STXBP5L: variants seen among roughly 807,000 people sequenced by gnomAD.
The protein encoded by STXBP5L is syntaxin binding protein 5L, also known as syntaxin-binding protein 5-like.
In STXBP5L, 65 loss-of-function variants were observed where a neutral mutation model predicts 144.5. The ratio of observed to expected loss-of-function variants is 0.45; its 90% CI spans 0.37 to 0.55. STXBP5L has a LOEUF of 0.55. Among genes scored for constraint, STXBP5L ranks in the 20% least tolerant of loss-of-function variants. STXBP5L has a pLI of 0.00. For synonymous variants in STXBP5L, 505 were observed against 469.6 expected, an observed-to-expected ratio of 1.08 and a Z score of -0.97; for missense variants, 1,298 against 1,405.5, an observed-to-expected ratio of 0.92 and a Z score of 1.22.
chr3:120,974,203 G>A (rs1940648570), intron 3 of STXBP5L, among the ~76,000 whole-genome samples: 1 of 152,088 alleles, frequency 6.6e-6, no homozygotes, highest in Admixed American at 6.6e-5. Flanking sequence ...TCTAGCACCT[G>A]TTGTTTCCTG....
rs574160659 is a variant in STXBP5L, at chr3:121,181,360, C to T, written c.877+23733C>T. ...AGGAGAGGAGAGGAGAGGAGTAGTA[C>T]CTCACATCTCAATACTAACATTGAA... On this transcript the variant is annotated intron_variant, in intron 9 of 26. Coordinates refer to ENST00000471454, the MANE Select transcript of STXBP5L (RefSeq NM_001308330.2). 9.2e-5 allele frequency among the ~76,000 whole-genome samples: 14 copies of T among 152,078 alleles called. No homozygotes were observed. In the East Asian group the frequency reaches 2.5e-3, roughly 27 times the overall value.
At chr3:120,987,978 A>G (rs1942464147) in intron 3 of STXBP5L, among the ~76,000 whole-genome samples, 2 of 151,852 alleles carry the variant, frequency 1.3e-5, no homozygotes, top group Non-Finnish European at 2.9e-5. Flanking sequence ...TTTACTTAGT[A>G]AATTATAGGA....
At position 121,280,140 on chromosome 3, in the gene STXBP5L, AG is replaced by A. The variant is rs201330005; in HGVS notation, c.2110+188del. Reference sequence around the variant, plus strand: ...CATTGTGAGAATCTTTGAAAGGGTCAGGGGTGTGTATGTTTAAACTTCAATT... The same window carrying A: ...CATTGTGAGAATCTTTGAAAGGGTCAGGGTGTGTATGTTTAAACTTCAATT... On this transcript the variant is annotated intron_variant, in intron 19 of 26. Transcript: ENST00000471454. 8.2e-3 allele frequency among the ~76,000 whole-genome samples: 1,250 copies of A among 152,066 alleles called. 22 individuals carry two copies. Among genetic ancestry groups the A allele is most frequent in the African/African-American group, 0.028 (1,171 of 41,544 alleles).
intron 7 of STXBP5L, among the ~76,000 whole-genome samples, chr3:121,126,706 A>G (rs758535094): frequency 2.6e-5 from 4 of 152,194 alleles, no homozygotes; most frequent in Non-Finnish European, 5.9e-5. Flanking sequence ...CATAAATTCA[A>G]TAGCTTAAAA....
chr3:121,363,644 A>G (rs2045781049), intron 20 of STXBP5L, among the ~76,000 whole-genome samples: 1 of 151,994 alleles, frequency 6.6e-6, no homozygotes, highest in Non-Finnish European at 1.5e-5. Flanking sequence ...GGGTGGCATC[A>G]GTGATTCAGA....
chr3:121,201,971 G>A (rs956526493), intron 9 of STXBP5L, among the ~76,000 whole-genome samples: 42 of 152,138 alleles, frequency 2.8e-4, no homozygotes, highest in African/African-American at 9.7e-4. Flanking sequence ...GGCCAGGCCG[G>A]TGTTGAACAC....
chr3:121,073,683 C>G (rs1044705032), intron 5 of STXBP5L, among the ~76,000 whole-genome samples: 2 of 152,318 alleles, frequency 1.3e-5, no homozygotes, highest in South Asian at 4.1e-4. Context: ...ATGTCCTGCT[C>G]TTTTTCCCAC....
intron 3 of STXBP5L, among the ~76,000 whole-genome samples, chr3:120,976,382 G>A (rs994541352): frequency 1.3e-5 from 2 of 152,114 alleles, no homozygotes; most frequent in African/African-American, 4.8e-5. Flanking sequence ...TGTGGGATTG[G>A]TGGTGATATC....
At chr3:121,024,900 T>G (rs1945815789) in intron 3 of STXBP5L, among the ~76,000 whole-genome samples, 1 of 152,162 alleles carries the variant, frequency 6.6e-6, no homozygotes, top group South Asian at 2.1e-4. Context: ...CATGCCCTGG[T>G]TTTTTGATCA....
intron 15 of STXBP5L, among the ~76,000 whole-genome samples, chr3:121,253,714 C>T (rs1250450324): frequency 1.3e-5 from 2 of 150,380 alleles, no homozygotes; most frequent in Admixed American, 6.6e-5. Flanking sequence ...CTGCAAGCTC[C>T]GCCCCCTGGG....
intron 5 of STXBP5L, among the ~76,000 whole-genome samples, chr3:121,050,583 A>G (rs1019258540): frequency 1.1e-4 from 16 of 152,174 alleles, no homozygotes; most frequent in African/African-American, 3.9e-4. Flanking sequence ...TCCTGAAGGA[A>G]GCACTAAACA....
intron 19 of STXBP5L, among the ~76,000 whole-genome samples, chr3:121,305,524 A>G (rs1240137099): frequency 6.6e-6 from 1 of 152,166 alleles, no homozygotes. Context: ...ATGAATGTAA[A>G]ATACTGATTA....
At chr3:121,080,403 T>C (rs916670792) in intron 5 of STXBP5L, among the ~76,000 whole-genome samples, 11 of 152,274 alleles carry the variant, frequency 7.2e-5, no homozygotes, top group African/African-American at 2.4e-4. Flanking sequence ...TTAAATTGTG[T>C]TATTGTTTTA....
intron 3 of STXBP5L, among the ~76,000 whole-genome samples, chr3:120,996,431 C>T (rs1408807998): frequency 1.3e-5 from 2 of 151,806 alleles, no homozygotes; most frequent in Non-Finnish European, 1.5e-5. Context: ...ATATCTTTGT[C>T]TTCATATACT....
At chr3:120,971,270 T>C (rs968201347) in intron 3 of STXBP5L, among the ~76,000 whole-genome samples, 2 of 152,098 alleles carry the variant, frequency 1.3e-5, no homozygotes, top group African/African-American at 4.8e-5. Context: ...AGTGCAATTT[T>C]GTTACATGGA....
intron 3 of STXBP5L, among the ~76,000 whole-genome samples, chr3:121,001,973 G>A (rs1943818004): frequency 6.6e-6 from 1 of 152,154 alleles, no homozygotes; most frequent in Admixed American, 6.6e-5. Flanking sequence ...AGACACTTAG[G>A]TTGTTCTCAT....
At chr3:121,204,353 A>G (rs549432902) in intron 9 of STXBP5L, among the ~76,000 whole-genome samples, 1 of 152,264 alleles carries the variant, frequency 6.6e-6, no homozygotes, top group African/African-American at 2.4e-5. Flanking sequence ...CAGTATGTAT[A>G]TTTTTGTACA....
intron 7 of STXBP5L, among the ~76,000 whole-genome samples, chr3:121,126,882 C>CCT (rs765634525): frequency 9.9e-5 from 15 of 152,276 alleles, no homozygotes; most frequent in East Asian, 9.6e-4. Flanking sequence ...GCTTGCAGCC[C>CCT]CTTTGTCTAT....
intron 9 of STXBP5L, among the ~76,000 whole-genome samples, chr3:121,189,301 C>T (rs1312534980): frequency 1.3e-5 from 2 of 152,232 alleles, no homozygotes; most frequent in African/African-American, 2.4e-5. Context: ...TTGCCCATGC[C>T]TATGTCCTGA....
Sources: allele counts gnomAD v4.1 joint callset (sites outside exome capture counted in the v4.1 genomes callset), GRCh38; gene constraint gnomAD v4.1.1; transcripts MANE v1.5; gene names NCBI Gene and HGNC (gene_info 2026-07-23, HGNC 2026-07-21).